TULP4: variants seen among roughly 807,000 people sequenced by gnomAD.
TULP4 encodes the protein TUB like protein 4, also known as tubby-related protein 4.
TULP4 carries 16 observed loss-of-function variants against 129.0 expected under a neutral mutation model. The observed-to-expected ratio is 0.12, with a 90% CI of 0.08 to 0.19. TULP4 has a LOEUF of 0.19. TULP4 is among the 10% of genes least tolerant of loss of function. The pLI, the probability that TULP4 is intolerant of heterozygous loss-of-function variation, is 1.00. For synonymous variants in TULP4, 998 were observed against 854.0 expected (o/e 1.17, Z -2.94); for missense variants, 1,842 against 2,059.1 (o/e 0.89, Z 2.04).
chr6:158,446,076 T>C (rs1172747351), intron 3 of TULP4, among the ~76,000 whole-genome samples: 1 of 152,214 alleles, frequency 6.6e-6, no homozygotes, highest in Non-Finnish European at 1.5e-5. Flanking sequence ...TTGCCATATG[T>C]GTATTCGTTA....
Position 158,436,968 on chromosome 6 carries a change from GCACCC to G in TULP4, c.543+7072_543+7076del, listed in dbSNP as rs1294866762. On this transcript the variant is annotated intron_variant, in intron 3 of 13. Transcript: ENST00000367097. ...CCTTCTCATCTGCTAAGGAGGTTTT[GCACCC>G]TGTGTAGTCTGTTGTGTGCTGGTGT... Among the ~76,000 whole-genome samples, 4 of 152,220 alleles carry G rather than the reference GCACCC, an allele frequency of 2.6e-5. No homozygotes were observed. In the East Asian group the frequency reaches 7.7e-4, roughly 29 times the overall value.
chr6:158,306,742 G>T (rs996222960), intron 1 of TULP4, among the ~76,000 whole-genome samples: 4 of 152,170 alleles, frequency 2.6e-5, no homozygotes, highest in Non-Finnish European at 5.9e-5. Flanking sequence ...AACTGGCTGG[G>T]TGCAGTGGCT....
chr6:158,282,302 A>G (rs564163818), exon 1 of TULP4: 1 of 152,214 alleles, frequency 6.6e-6, no homozygotes, highest in South Asian at 2.1e-4. Context: ...TAGGTGCACA[A>G]ATACTATTTT....
At chr6:158,292,668 G>A (rs1029258354) in intron 1 of TULP4, among the ~76,000 whole-genome samples, 2 of 151,996 alleles carry the variant, frequency 1.3e-5, no homozygotes, top group African/African-American at 2.4e-5. Context: ...CTTTATCAAC[G>A]TTTATTCAAC....
chr6:158,314,586 G>A (rs905568349), intron 1 of TULP4, among the ~76,000 whole-genome samples: 5 of 152,150 alleles, frequency 3.3e-5, no homozygotes, highest in Non-Finnish European at 5.9e-5. Flanking sequence ...AACCAGGGTG[G>A]GGGGTTAAAT....
chr6:158,338,972 G>A (rs2114744418), intron 1 of TULP4, among the ~76,000 whole-genome samples: 1 of 152,286 alleles, frequency 6.6e-6, no homozygotes, highest in African/African-American at 2.4e-5. Context: ...GGCATTCCCT[G>A]TGCTTGCATG....
intron 1 of TULP4, among the ~76,000 whole-genome samples, chr6:158,388,444 C>T (rs1226991921): frequency 6.8e-6 from 1 of 147,530 alleles, no homozygotes; most frequent in Admixed American, 6.9e-5. Context: ...ATTCTCCTGC[C>T]TCAGCTTCCT....
At chr6:158,497,695 AAG>A (rs1780362629) in intron 11 of TULP4, among the ~76,000 whole-genome samples, 1 of 152,232 alleles carries the variant, frequency 6.6e-6, no homozygotes, top group Non-Finnish European at 1.5e-5. Flanking sequence ...CTTTGTGGAC[AAG>A]AGAGAGAAAC....
In TULP4 at chr6:158,501,852, C is replaced by T. The variant is rs767363595; in HGVS notation, c.2189C>T (p.Ala730Val). ...QLDVLTNQTT[A>V]VGTAEHAGDS... ...GATGTCCTGACCAACCAGACGACAG[C>T]TGTAGGGACAGCAGAACATGCAGGT... Residue 730 changes from alanine to valine, a missense_variant, in exon 13 of 14, where the codon GCT becomes GTT. Ala to Val is a moderately conservative substitution (Grantham distance 64, BLOSUM62 0). Coordinates refer to ENST00000367097, the MANE Select transcript of TULP4 (RefSeq NM_020245.5). 1.9e-6 allele frequency: 3 copies of T among 1,614,162 alleles called. No individual in the cohort carries two copies. Among genetic ancestry groups the T allele is most frequent in the Non-Finnish European group, 2.5e-6 (3 of 1,180,026 alleles).
At chr6:158,270,482 T>C (rs1778527921) in intron 1 of TULP4, among the ~76,000 whole-genome samples, 1 of 152,208 alleles carries the variant, frequency 6.6e-6, no homozygotes, top group South Asian at 2.1e-4. Context: ...TGGACTTCGA[T>C]GAGTTTTGCA....
chr6:158,304,900 CA>C (rs1311507067), intron 1 of TULP4, among the ~76,000 whole-genome samples: 1 of 152,048 alleles, frequency 6.6e-6, no homozygotes, highest in Non-Finnish European at 1.5e-5. Context: ...CTCCTAGGTT[CA>C]AGCCATCCTC....
Position 158,481,227 on chromosome 6 carries a change from G to A in TULP4, c.1424G>A (p.Arg475Gln), listed in dbSNP as rs374889085. 401 of 1,614,084 alleles carry A rather than the reference G, an allele frequency of 2.5e-4. 1 individual carries two copies. Among genetic ancestry groups the A allele is most frequent in the Non-Finnish European group, 3.3e-4 (390 of 1,180,050 alleles). Residue 475 changes from arginine to glutamine, a missense_variant, in exon 8 of 14, where the codon CGG (arginine) becomes CAG (glutamine). Physicochemically the swap from Arg to Gln is conservative, Grantham distance 43. This residue lies in a region of TULP4 where 456 missense variants were observed against 534.3 expected (regional missense o/e 0.85). Transcript: ENST00000367097. Reference protein sequence around the residue: ...LGGLVPILKGRRISKLRPEFV... With the variant: ...LGGLVPILKGQRISKLRPEFV... Reference sequence around the variant, plus strand: ...GGGCTTGTGCCCATCCTCAAAGGGCGGCGCATCAGCAAGCTGCGGCCAGAG... The same window carrying A: ...GGGCTTGTGCCCATCCTCAAAGGGCAGCGCATCAGCAAGCTGCGGCCAGAG...
chr6:158,254,080 G>A (rs1276664353), intron 1 of TULP4, among the ~76,000 whole-genome samples: 1 of 152,046 alleles, frequency 6.6e-6, no homozygotes, highest in Non-Finnish European at 1.5e-5. Flanking sequence ...TATTGTGCAT[G>A]CCTATGGAGG....
At chr6:158,358,065 T>G (rs903724302) in intron 1 of TULP4, among the ~76,000 whole-genome samples, 1 of 152,196 alleles carries the variant, frequency 6.6e-6, no homozygotes, top group African/African-American at 2.4e-5. Flanking sequence ...CTGAACATTT[T>G]AAAGCAGCAC....
intron 6 of TULP4, among the ~76,000 whole-genome samples, chr6:158,467,634 C>T (rs1287997016): frequency 6.6e-6 from 1 of 152,186 alleles, no homozygotes; most frequent in Non-Finnish European, 1.5e-5. Context: ...TTTGTAAAAT[C>T]ACAAGTCAGA....
chr6:158,461,445 A>T, intron 5 of TULP4, 118 bp from the exon 6 acceptor site: 2 of 917,544 alleles, frequency 2.2e-6, no homozygotes, highest in African/African-American at 1.7e-5. Flanking sequence ...CCATGAATAT[A>T]TTTTTGTTGT....
chr6:158,443,651 A>G (rs1778950071), intron 3 of TULP4, among the ~76,000 whole-genome samples: 1 of 152,190 alleles, frequency 6.6e-6, no homozygotes. Flanking sequence ...AGGTTAGTTT[A>G]CAAGTGGTCT....
intron 3 of TULP4, among the ~76,000 whole-genome samples, chr6:158,430,446 A>G (rs1472590073): frequency 2.0e-5 from 3 of 152,240 alleles, no homozygotes. Flanking sequence ...TTCTATATTG[A>G]TAATTCATTT....
chr6:158,468,716 T>A (rs1779608135), intron 6 of TULP4, among the ~76,000 whole-genome samples: 2 of 152,220 alleles, frequency 1.3e-5, no homozygotes, highest in Non-Finnish European at 2.9e-5. Context: ...CTGGGTGATT[T>A]ATAAATAATA....
Sources: gnomAD v4.1 joint callset for allele counts (sites outside exome capture counted in the v4.1 genomes callset) on GRCh38, gnomAD v4.1.1 for gene constraint, gnomAD v4.1.1 regional missense constraint, MANE v1.5 for transcripts, NCBI Gene and HGNC (gene_info 2026-07-23, HGNC 2026-07-21) for gene names.